Variants in ATR observed in about 807,000 individuals in gnomAD.
ATR encodes the protein ATR checkpoint kinase, also known as serine/threonine-protein kinase ATR.
ATR carries 142 observed loss-of-function variants against 305.3 expected under a neutral mutation model. The observed-to-expected ratio is 0.47, with a 90% CI of 0.41 to 0.53. ATR has a LOEUF of 0.53. Among genes scored for constraint, ATR ranks in the 20% least tolerant of loss-of-function variants. ATR has a pLI of 0.00. For synonymous variants in ATR, 1,050 were observed against 1,068.1 expected, an observed-to-expected ratio of 0.98 and a Z score of 0.33; for missense variants, 2,135 against 3,133.1, an observed-to-expected ratio of 0.68 and a Z score of 7.60.
intron 20 of ATR, 129 bp downstream of exon 20, chr3:142,535,979 G>C: frequency 1.5e-6 from 1 of 685,452 alleles, no homozygotes; most frequent in Non-Finnish European, 2.6e-6. Context: ...TACTCACCAG[G>C]AATTAGCTAT....
chr3:142,548,499 C>A (rs1443651574), intron 15 of ATR, among the ~76,000 whole-genome samples: 1 of 151,852 alleles, frequency 6.6e-6, no homozygotes. Flanking sequence ...TGAAACCCCA[C>A]CTCTACTAAA....
At chr3:142,572,475 T>C (rs951889681) in intron 1 of ATR, among the ~76,000 whole-genome samples, 1 of 140,358 alleles carries the variant, frequency 7.1e-6, no homozygotes, top group African/African-American at 2.7e-5. Context: ...ATAAATGCCA[T>C]AAAAGAACTG....
At chr3:142,482,037 G>A (rs2030537971) in intron 36 of ATR, among the ~76,000 whole-genome samples, 1 of 151,964 alleles carries the variant, frequency 6.6e-6, no homozygotes, top group South Asian at 2.1e-4. Context: ...TGTTGCTCTG[G>A]CTGGTTTTGA....
At chr3:142,532,000 T>C (rs1186462801) in intron 21 of ATR, among the ~76,000 whole-genome samples, 1 of 152,238 alleles carries the variant, frequency 6.6e-6, no homozygotes, top group Non-Finnish European at 1.5e-5. Flanking sequence ...ATTTCTCTGA[T>C]GGCCAGTGAG....
At chr3:142,454,166 C>G (rs1461407519) in intron 45 of ATR, among the ~76,000 whole-genome samples, 2 of 152,208 alleles carry the variant, frequency 1.3e-5, no homozygotes, top group Non-Finnish European at 2.9e-5. Flanking sequence ...AGTATACCCT[C>G]TGGAATACAT....
chr3:142,497,062 T>A lies in ATR; in HGVS notation c.5689A>T (p.Lys1897Ter), dbSNP rs1356414973. Reference sequence around the variant, plus strand: ...CTCCGGAGAGCCAGGATAGGCTCCTTGGCTCTGTAGGAATTCTGGGTCATT... The same window carrying A: ...CTCCGGAGAGCCAGGATAGGCTCCTAGGCTCTGTAGGAATTCTGGGTCATT... ...LEMTQNSYRA[K>*]EPILALRRAL... Residue 1897 changes from lysine (K) to a stop codon, truncating the protein, a stop_gained, in exon 33 of 47, where the codon AAG becomes TAG. Transcript: ENST00000350721. LOFTEE classifies it high-confidence loss of function. 6.2e-7 allele frequency: 1 copy of A among 1,613,922 alleles called. No individual in the cohort carries two copies. The highest frequency in any genetic ancestry group is 2.2e-5 in the East Asian group (1 of 44,866).
At chr3:142,560,793 C>G (rs998531552) in intron 5 of ATR, among the ~76,000 whole-genome samples, 1 of 152,162 alleles carries the variant, frequency 6.6e-6, no homozygotes, top group Non-Finnish European at 1.5e-5. Context: ...ATCTTCTGAC[C>G]TCGTGATCTG....
chr3:142,493,183 A>G lies in ATR; in HGVS notation c.6027T>C (p.Phe2009=). The change falls in exon 35 of 47, where the codon TTT becomes TTC. Residue 2009 remains phenylalanine (F), a synonymous_variant. Coordinates refer to ENST00000350721, the MANE Select transcript of ATR (RefSeq NM_001184.4). ...TTTCAAAGTTAGCTGTTTCTTCCAT[A>G]AATCGGCCCACTAGTAGCATAGCTC... is the stretch of plus-strand genomic sequence containing the variant. ...HGRAMLLVGR[F]MEETANFESN... 1 of 1,613,230 alleles carries G rather than the reference A, an allele frequency of 6.2e-7. No individual in the cohort carries two copies. The highest frequency in any genetic ancestry group is 8.5e-7 in the Non-Finnish European group (1 of 1,179,584).
intron 33 of ATR, among the ~76,000 whole-genome samples, 190 bp from the exon 34 acceptor site, chr3:142,496,710 G>C (rs929006054): frequency 5.3e-5 from 8 of 152,072 alleles, no homozygotes; most frequent in Middle Eastern, 3.4e-3. Context: ...TGTTTAAAAA[G>C]CCTTGACTTA....
At chr3:142,498,332 G>C (rs1167128721) in intron 32 of ATR, among the ~76,000 whole-genome samples, 3 of 152,176 alleles carry the variant, frequency 2.0e-5, no homozygotes, top group African/African-American at 4.8e-5. Flanking sequence ...TGGTTATATA[G>C]AAAGCAAACT....
At chr3:142,568,492 G>A (rs895619012) in intron 1 of ATR, among the ~76,000 whole-genome samples, 6 of 152,200 alleles carry the variant, frequency 3.9e-5, no homozygotes, top group Non-Finnish European at 8.8e-5. Flanking sequence ...CAGTTGGAGC[G>A]GTGAGGAAGG....
chr3:142,512,499 A>G (rs1320804998), intron 26 of ATR, 29 bp from the exon 27 acceptor site: 2 of 1,492,432 alleles, frequency 1.3e-6, no homozygotes, highest in Admixed American at 1.8e-5. Flanking sequence ...ATTAATAATA[A>G]TATCTATATA....
In ATR at chr3:142,566,101, G is replaced by A. The variant is rs2108493717; in HGVS notation, c.292+20C>T. The A allele has an allele frequency of 5.6e-6, 9 of 1,613,734 alleles. No homozygotes were observed. Among genetic ancestry groups the A allele is most frequent in the Non-Finnish European group, 7.6e-6 (9 of 1,179,682 alleles). ...TTTATAGAACAGATGGCAAGTGAAT[G>A]CATGAATAACAGCACTTACCAATAC... On this transcript the variant is annotated intron_variant, in intron 3 of 46. Coordinates refer to ENST00000350721, the MANE Select transcript of ATR (RefSeq NM_001184.4).
At chr3:142,537,816 G>C (rs2033912902) in intron 19 of ATR, among the ~76,000 whole-genome samples, 1 of 152,162 alleles carries the variant, frequency 6.6e-6, no homozygotes, top group Non-Finnish European at 1.5e-5. Context: ...AAATGGGAAA[G>C]AATAATGCAT....
Position 142,559,289 on chromosome 3 carries a change from T to C in ATR, c.1694A>G (p.Lys565Arg), listed in dbSNP as rs2034794541. 1 of 1,613,984 alleles carries C rather than the reference T, an allele frequency of 6.2e-7. No homozygotes were observed. Among genetic ancestry groups the C allele is most frequent in the African/African-American group, 1.3e-5 (1 of 75,038 alleles). Residue 565 changes from lysine (K) to arginine (R), a missense_variant, in exon 7 of 47, where the codon AAG becomes AGG. Lys to Arg is a conservative substitution (Grantham distance 26, BLOSUM62 2). Coordinates refer to ENST00000350721, the MANE Select transcript of ATR (RefSeq NM_001184.4). ...CAAAGCATCATAAATTTTCACCACC[T>C]TATCAATGGTTGCCTCCAGGTCCAG... ...QKLDLEATID[K>R]VVKIYDALIY...
At chr3:142,478,407 A>C (rs1207274068) in intron 36 of ATR, among the ~76,000 whole-genome samples, 1 of 152,056 alleles carries the variant, frequency 6.6e-6, no homozygotes, top group African/African-American at 2.4e-5. Flanking sequence ...GTTTTGATTG[A>C]GTTTCTTAAT....
chr3:142,572,563 A>C (rs948410883), intron 1 of ATR, among the ~76,000 whole-genome samples: 5 of 151,842 alleles, frequency 3.3e-5, no homozygotes, highest in Non-Finnish European at 7.4e-5. Flanking sequence ...GCTTGAGCTC[A>C]GGAGTTTGAG....
chr3:142,528,271 C>T (rs1018315554), intron 21 of ATR, among the ~76,000 whole-genome samples: 13 of 152,130 alleles, frequency 8.5e-5, no homozygotes, highest in African/African-American at 3.1e-4. Flanking sequence ...ACGTATTTAT[C>T]TACTAACTTA....
chr3:142,475,814 A>G (rs1447153148), intron 36 of ATR, among the ~76,000 whole-genome samples: 1 of 152,004 alleles, frequency 6.6e-6, no homozygotes, highest in Non-Finnish European at 1.5e-5. Flanking sequence ...ATGGTATCTC[A>G]TTGTGGTTTT....
Sources: allele counts gnomAD v4.1 joint callset (sites outside exome capture counted in the v4.1 genomes callset), GRCh38; gene constraint gnomAD v4.1.1; transcripts MANE v1.5; gene names NCBI Gene and HGNC (gene_info 2026-07-23, HGNC 2026-07-21).